Variants in XKR6 observed in about 807,000 individuals in gnomAD.
The protein encoded by XKR6 is XK-related protein 6.
Under a neutral mutation model 56.7 loss-of-function variants are expected in XKR6, and 22 were observed. That is an observed-to-expected ratio of 0.39 (90% confidence interval 0.28 to 0.55). The LOEUF (loss-of-function observed/expected upper bound fraction) is 0.55. Among genes scored for constraint, XKR6 ranks in the 20% least tolerant of loss-of-function variants. XKR6 has a pLI of 0.66. For missense variants in XKR6, 852 were observed against 889.0 expected (o/e 0.96, Z 0.53); for synonymous variants, 524 against 387.8 (o/e 1.35, Z -4.13).
At chr8:11,008,418 CTTTT>C (rs35571220) in intron 1 of XKR6, among the ~76,000 whole-genome samples, 4,113 of 104,086 alleles carry the variant, frequency 0.04, 123 homozygotes, top group African/African-American at 0.13. Flanking sequence ...GCTCCCCAGG[CTTTT>C]TTTTTTTTTT....
intron 1 of XKR6, among the ~76,000 whole-genome samples, chr8:11,028,562 G>C (rs1348269076): frequency 6.6e-6 from 1 of 152,170 alleles, no homozygotes; most frequent in Non-Finnish European, 1.5e-5. Flanking sequence ...ATGAATGAGA[G>C]GCATGCTACT....
At chr8:10,906,477 CAA>C (rs1238261733) in intron 2 of XKR6, among the ~76,000 whole-genome samples, 2 of 151,944 alleles carry the variant, frequency 1.3e-5, no homozygotes, top group African/African-American at 4.8e-5. Flanking sequence ...GAGAAAGCAA[CAA>C]AAAAAGCAAT....
chr8:10,957,227 A>G (rs1801916535), intron 1 of XKR6, among the ~76,000 whole-genome samples: 1 of 152,198 alleles, frequency 6.6e-6, no homozygotes, highest in African/African-American at 2.4e-5. Flanking sequence ...CTGGGATTCC[A>G]GGCAGGAGCC....
At chr8:11,165,562 A>T (rs547202563) in intron 1 of XKR6, among the ~76,000 whole-genome samples, 1 of 152,284 alleles carries the variant, frequency 6.6e-6, no homozygotes, top group African/African-American at 2.4e-5. Context: ...TCCTTATTTG[A>T]TTAGCAGAAA....
chr8:11,175,709 C>T (rs1234604956), intron 1 of XKR6: 1 of 152,194 alleles, frequency 6.6e-6, no homozygotes, highest in Non-Finnish European at 1.5e-5. Context: ...ATAATTACTT[C>T]ATTCTGAAGG....
chr8:11,077,968 G>T (rs967067103), intron 1 of XKR6, among the ~76,000 whole-genome samples: 2 of 152,140 alleles, frequency 1.3e-5, no homozygotes, highest in Non-Finnish European at 2.9e-5. Flanking sequence ...GGCAGGGGAG[G>T]TTCTGGGTGG....
At chr8:10,980,094 G>A (rs1020272725) in intron 1 of XKR6, among the ~76,000 whole-genome samples, 1 of 152,234 alleles carries the variant, frequency 6.6e-6, no homozygotes, top group African/African-American at 2.4e-5. Context: ...GATGCTCTAT[G>A]CAGGCCTGGA....
intron 1 of XKR6, chr8:11,128,971 T>C (rs1364470140): frequency 6.6e-6 from 3 of 456,518 alleles, no homozygotes; most frequent in Non-Finnish European, 1.3e-5. Context: ...TTCAAAAGAA[T>C]TAAGATTTTT....
chr8:10,900,656 A>G (rs1379184989), intron 2 of XKR6, among the ~76,000 whole-genome samples: 1 of 152,190 alleles, frequency 6.6e-6, no homozygotes, highest in Non-Finnish European at 1.5e-5. Flanking sequence ...TCTTTTCTAG[A>G]AAGTTCTGAA....
intron 1 of XKR6, among the ~76,000 whole-genome samples, chr8:11,114,901 C>A (rs922902911): frequency 6.6e-6 from 1 of 152,126 alleles, no homozygotes; most frequent in African/African-American, 2.4e-5. Context: ...TGAAAACTAA[C>A]CTTTTTCTCT....
At chr8:11,165,448 G>A (rs559362779) in intron 1 of XKR6, among the ~76,000 whole-genome samples, 3 of 152,058 alleles carry the variant, frequency 2.0e-5, no homozygotes, top group Admixed American at 2.0e-4. Flanking sequence ...TTTAGTTTTA[G>A]GGAGAATTTT....
chr8:11,011,126 C>G (rs1461652001), intron 1 of XKR6, among the ~76,000 whole-genome samples: 1 of 152,212 alleles, frequency 6.6e-6, no homozygotes, highest in African/African-American at 2.4e-5. Context: ...ATCAGCAGAG[C>G]TGGGATTTGA....
At chr8:11,033,566 T>C (rs1340011617) in intron 1 of XKR6, among the ~76,000 whole-genome samples, 2 of 152,132 alleles carry the variant, frequency 1.3e-5, no homozygotes, top group Non-Finnish European at 1.5e-5. Context: ...ATGATGATTA[T>C]GGTGATGGTG....
At chr8:11,182,812 T>C (rs1414205119) in intron 1 of XKR6, among the ~76,000 whole-genome samples, 1 of 152,202 alleles carries the variant, frequency 6.6e-6, no homozygotes, top group Non-Finnish European at 1.5e-5. Context: ...TCATCAGTCA[T>C]TTCTGCAAGT....
chr8:11,065,459 T>A (rs937614952), intron 1 of XKR6, among the ~76,000 whole-genome samples: 1 of 152,254 alleles, frequency 6.6e-6, no homozygotes, highest in African/African-American at 2.4e-5. Context: ...TATCCTTGGA[T>A]GCAACGTTTC....
intron 1 of XKR6, among the ~76,000 whole-genome samples, chr8:11,154,863 T>A (rs1005918781): frequency 6.6e-6 from 1 of 152,234 alleles, no homozygotes; most frequent in Non-Finnish European, 1.5e-5. Context: ...CCTCTTCAAA[T>A]CTTCCCAGTA....
intron 1 of XKR6, among the ~76,000 whole-genome samples, chr8:11,065,753 G>T (rs1482231501): frequency 6.6e-6 from 1 of 152,130 alleles, no homozygotes. Flanking sequence ...TGATAACTCA[G>T]CCTGGGAACT....
intron 2 of XKR6, among the ~76,000 whole-genome samples, chr8:10,899,999 A>C (rs1325873080): frequency 6.6e-6 from 1 of 151,966 alleles, no homozygotes; most frequent in Non-Finnish European, 1.5e-5. Flanking sequence ...GATTTCCCCC[A>C]TCACCAACCC....
intron 1 of XKR6, among the ~76,000 whole-genome samples, chr8:11,107,637 G>A (rs1418519587): frequency 6.6e-6 from 1 of 152,148 alleles, no homozygotes; most frequent in Non-Finnish European, 1.5e-5. Flanking sequence ...GCGAAACAGT[G>A]AGGCACATGT....
Sources: allele counts gnomAD v4.1 joint callset (sites outside exome capture counted in the v4.1 genomes callset), GRCh38; gene constraint gnomAD v4.1.1; transcripts MANE v1.5; gene names NCBI Gene and HGNC (gene_info 2026-07-23, HGNC 2026-07-21).